Variants in TMIGD3 observed in about 807,000 individuals in gnomAD.
TMIGD3 encodes the protein AD026 protein (AD026).
Under a neutral mutation model 28.1 loss-of-function variants are expected in TMIGD3, and 21 were observed. The ratio of observed to expected loss-of-function variants is 0.75; its 90% CI spans 0.53 to 1.08. The LOEUF (loss-of-function observed/expected upper bound fraction) is 1.08. Ranked by LOEUF, TMIGD3 falls within the 50% of genes least tolerant of loss-of-function variation. The pLI, the probability that TMIGD3 is intolerant of heterozygous loss-of-function variation, is 0.00. For missense variants in TMIGD3, 416 were observed against 435.6 expected (o/e 0.96, Z 0.40); for synonymous variants, 151 against 162.1 (o/e 0.93, Z 0.52).
At chr1:111,541,002 GGCATTGGAA>G (rs61244818) in intron 1 of TMIGD3, among the ~76,000 whole-genome samples, 4,114 of 152,232 alleles carry the variant, frequency 0.027, 176 homozygotes, top group African/African-American at 0.094. Flanking sequence ...AAATATTTTA[GGCATTGGAA>G]GCCACATAGT....
At chr1:111,552,755 C>T (rs533261163) in intron 1 of TMIGD3, among the ~76,000 whole-genome samples, 1 of 152,252 alleles carries the variant, frequency 6.6e-6, no homozygotes, top group Admixed American at 6.5e-5. Flanking sequence ...ACATGCATGA[C>T]CTGGAGCAAG....
Position 111,502,049 on chromosome 1 carries a change from A to ATATAATAAATATATAGGATATATAT in TMIGD3, c.350+931_350+955dup, listed in dbSNP as rs1655208927. Among the ~76,000 whole-genome samples the ATATAATAAATATATAGGATATATAT allele has an allele frequency of 1.1e-4, 10 of 92,126 alleles. 1 individual carries two copies. In the Admixed American group the frequency reaches 1.5e-3, roughly 14 times the overall value. 60.4% of individuals were successfully genotyped at this position (92,126 alleles called of 152,430 possible). On this transcript the variant is annotated intron_variant, in intron 1 of 5. Coordinates refer to ENST00000369716, the MANE Select transcript of TMIGD3 (RefSeq NM_020683.7). ...ATATTATATATAGGATATATATTTA[A>ATATAATAAATATATAGGATATATAT]TATAATAAATATATAGGATATATAT...
intron 1 of TMIGD3, among the ~76,000 whole-genome samples, chr1:111,554,262 G>C (rs2101039391): frequency 6.6e-6 from 1 of 152,328 alleles, no homozygotes; most frequent in Non-Finnish European, 1.5e-5. Context: ...GTTTAGAACT[G>C]TAAGAACCTG....
At chr1:111,510,483 A>G (rs573869934) in intron 1 of TMIGD3, among the ~76,000 whole-genome samples, 2 of 152,178 alleles carry the variant, frequency 1.3e-5, no homozygotes, top group Admixed American at 6.5e-5. Flanking sequence ...TTTCTTAATA[A>G]ACTAGACTGC....
intron 1 of TMIGD3, among the ~76,000 whole-genome samples, chr1:111,501,522 C>A (rs1655174039): frequency 6.6e-6 from 1 of 152,160 alleles, no homozygotes; most frequent in South Asian, 2.1e-4. Flanking sequence ...TGAGCACAGA[C>A]TGTGTGACAG....
At position 111,503,296 on chromosome 1, in the gene TMIGD3, A is replaced by C. The variant is rs1414825984; in HGVS notation, c.59T>G (p.Ile20Ser). Residue 20 changes from isoleucine (I) to serine (S), a missense_variant, in exon 1 of 6, where the codon ATT becomes AGT. By Grantham distance (142) the Ile-to-Ser change is moderately radical. Coordinates refer to ENST00000369716, the MANE Select transcript of TMIGD3 (RefSeq NM_020683.7). ...LANVTYITME[I>S]FIGLCAIVGN... ...CACTATGGCGCAGAGTCCAATGAAAATTTCCATGGTGATGTAGGTAACATT... is the reference window on the plus strand; with the variant it reads ...CACTATGGCGCAGAGTCCAATGAAACTTTCCATGGTGATGTAGGTAACATT... 7 of 1,614,116 alleles carry C rather than the reference A, an allele frequency of 4.3e-6. No homozygotes were observed. The highest frequency in any genetic ancestry group is 5.1e-6 in the Non-Finnish European group (6 of 1,180,008).
At chr1:111,485,489 C>G in intron 5 of TMIGD3, 1 of 397,538 alleles carries the variant, frequency 2.5e-6, no homozygotes, top group Non-Finnish European at 4.5e-6. Context: ...GTGTGGTTGT[C>G]TCAGGACCTC....
chr1:111,488,968 C>T lies in TMIGD3; in HGVS notation c.514G>A (p.Ala172Thr). ...KRSFVLDTAS[A>T]ICNYNAHYKN... is the part of the protein sequence containing the mutation. ...TAGTGGGCATTGTAGTTGCAGATGG[C>T]AGAAGCCGTGTCCAGCACAAAGCTT... Residue 172 changes from alanine to threonine, a missense_variant, in exon 3 of 6, where the codon GCC (alanine) becomes ACC (threonine). Physicochemically the swap from Ala to Thr is moderately conservative, Grantham distance 58. Coordinates refer to ENST00000369716, the MANE Select transcript of TMIGD3 (RefSeq NM_020683.7). 6.2e-7 allele frequency: 1 copy of T among 1,614,158 alleles called. No homozygotes were observed. Among genetic ancestry groups the T allele is most frequent in the South Asian group, 1.1e-5 (1 of 91,078 alleles).
chr1:111,546,332 T>C (rs957745050), intron 1 of TMIGD3, among the ~76,000 whole-genome samples: 5 of 152,168 alleles, frequency 3.3e-5, no homozygotes, highest in Non-Finnish European at 7.4e-5. Context: ...TACATTTACA[T>C]TGTTGTGCAA....
upstream of TMIGD3, among the ~76,000 whole-genome samples, chr1:111,507,653 C>T (rs1655555717): frequency 6.6e-6 from 1 of 152,220 alleles, no homozygotes; most frequent in African/African-American, 2.4e-5. Flanking sequence ...CAGCTAAGAC[C>T]GGATGTCAGG....
At chr1:111,521,877 T>G (rs1656073009) in intron 1 of TMIGD3, among the ~76,000 whole-genome samples, 1 of 152,300 alleles carries the variant, frequency 6.6e-6, no homozygotes, top group African/African-American at 2.4e-5. Context: ...TCCTAGAAAT[T>G]TTATAGTTTT....
At chr1:111,531,567 G>T (rs1272382949) in intron 1 of TMIGD3, among the ~76,000 whole-genome samples, 3 of 152,012 alleles carry the variant, frequency 2.0e-5, no homozygotes, top group African/African-American at 7.3e-5. Context: ...TGTCATTTCT[G>T]GGTCTGCTTC....
intron 1 of TMIGD3, among the ~76,000 whole-genome samples, chr1:111,550,094 A>G (rs1317613855): frequency 2.0e-5 from 3 of 152,166 alleles, no homozygotes; most frequent in African/African-American, 4.8e-5. Context: ...TTTTCTCTAG[A>G]TTATAAAATT....
intron 1 of TMIGD3, chr1:111,499,570 T>C (rs377397608): frequency 2.9e-6 from 3 of 1,022,574 alleles, no homozygotes; most frequent in Non-Finnish European, 3.5e-6. Context: ...AATTCCACAA[T>C]GGTATGGAAA....
chr1:111,500,393 T>C (rs1655112856), intron 1 of TMIGD3: 1 of 1,614,240 alleles, frequency 6.2e-7, no homozygotes, highest in Non-Finnish European at 8.5e-7. Flanking sequence ...TCCATTCTCA[T>C]GACGGAAACA....
At chr1:111,524,705 C>T (rs979062310) in intron 1 of TMIGD3, among the ~76,000 whole-genome samples, 9 of 152,086 alleles carry the variant, frequency 5.9e-5, no homozygotes, top group East Asian at 1.9e-4. Flanking sequence ...CTGCAACCTC[C>T]GCCTCCCGGG....
chr1:111,490,814 T>G, intron 1 of TMIGD3, 52 bp from the exon 2 acceptor site: 1 of 1,392,918 alleles, frequency 7.2e-7, no homozygotes, highest in East Asian at 2.3e-5. Flanking sequence ...TATCCTGGTT[T>G]GAAGAGACCA....
At chr1:111,517,213 A>T (rs1207778705) in intron 1 of TMIGD3, among the ~76,000 whole-genome samples, 1 of 152,244 alleles carries the variant, frequency 6.6e-6, no homozygotes, top group East Asian at 1.9e-4. Context: ...GGAGAGACTG[A>T]GTCCATATCC....
chr1:111,562,316 C>A (rs1274627510), intron 1 of TMIGD3, among the ~76,000 whole-genome samples: 1 of 152,134 alleles, frequency 6.6e-6, no homozygotes, highest in African/African-American at 2.4e-5. Context: ...TTTCCTCAAC[C>A]ATAATAGGAG....
Sources: gnomAD v4.1 joint callset for allele counts (sites outside exome capture counted in the v4.1 genomes callset) on GRCh38, gnomAD v4.1.1 for gene constraint, MANE v1.5 for transcripts, NCBI Gene and HGNC (gene_info 2026-07-23, HGNC 2026-07-21) for gene names.